Variants in CPPED1 observed in about 807,000 individuals in gnomAD.
The protein encoded by CPPED1 is calcineurin like phosphoesterase domain containing 1, also known as serine/threonine-protein phosphatase CPPED1.
Under a neutral mutation model 28.0 loss-of-function variants are expected in CPPED1, and 28 were observed. The ratio of observed to expected loss-of-function variants is 1.00; its 90% CI spans 0.74 to 1.37. The LOEUF is 1.37. Ranked by LOEUF, CPPED1 falls within the 40% of genes most tolerant of loss-of-function variation. The pLI is 0.00. For missense variants in CPPED1, 504 were observed against 416.5 expected (o/e 1.21, Z -1.83); for synonymous variants, 198 against 180.2 (o/e 1.10, Z -0.79).
At chr16:12,693,982 G>A (rs2079976652) in intron 3 of CPPED1, among the ~76,000 whole-genome samples, 1 of 152,102 alleles carries the variant, frequency 6.6e-6, no homozygotes, top group African/African-American at 2.4e-5. Context: ...GAGGTGGGCG[G>A]GTCACCTGAG....
chr16:12,713,593 T>G (rs2080091418), intron 2 of CPPED1, among the ~76,000 whole-genome samples: 1 of 152,130 alleles, frequency 6.6e-6, no homozygotes, highest in African/African-American at 2.4e-5. Context: ...ACTCCTGATC[T>G]CAGGTGATCT....
At chr16:12,768,968 C>T (rs937895806) in intron 2 of CPPED1, among the ~76,000 whole-genome samples, 3 of 151,304 alleles carry the variant, frequency 2.0e-5, no homozygotes, top group Admixed American at 6.6e-5. Flanking sequence ...TGGGTTCAAG[C>T]GATTCTCCTG....
At chr16:12,728,538 G>C (rs1037048338) in intron 2 of CPPED1, among the ~76,000 whole-genome samples, 1 of 151,828 alleles carries the variant, frequency 6.6e-6, no homozygotes, top group African/African-American at 2.4e-5. Context: ...GAGCTGCCCA[G>C]AAAGTCACTC....
chr16:12,673,964 G>A (rs1244087529), intron 3 of CPPED1, among the ~76,000 whole-genome samples: 1 of 152,092 alleles, frequency 6.6e-6, no homozygotes, highest in Non-Finnish European at 1.5e-5. Context: ...AGGGAGGATT[G>A]CTTGAGCTCA....
rs369362674 is a variant in CPPED1 at position 12,740,547 on chromosome 16, T to G, written c.290-35498A>C. 2.6e-5 allele frequency among the ~76,000 whole-genome samples: 4 copies of G among 152,176 alleles called. No homozygotes were observed. The South Asian group carries it at 6.2e-4, about 24-fold the overall frequency. ...GGTCTGGTCCTTGCACTCATGGAGT[T>G]TACCGTCTACTGGGGATGAGGACAA... is the stretch of plus-strand genomic sequence containing the variant. On this transcript the variant is annotated intron_variant, in intron 2 of 3. Transcript: ENST00000381774.
At chr16:12,701,225 T>A (rs925395593) in intron 3 of CPPED1, among the ~76,000 whole-genome samples, 1 of 151,026 alleles carries the variant, frequency 6.6e-6, no homozygotes, top group Non-Finnish European at 1.5e-5. Context: ...TAAGACTCCA[T>A]CTCAAGAAAA....
intron 2 of CPPED1, among the ~76,000 whole-genome samples, chr16:12,733,689 CAGTA>C (rs1396183890): frequency 6.6e-6 from 1 of 152,254 alleles, no homozygotes; most frequent in East Asian, 1.9e-4. Context: ...CAATACATAA[CAGTA>C]AGTAAGATCT....
At chr16:12,798,078 C>A (rs2080638152) in intron 1 of CPPED1, among the ~76,000 whole-genome samples, 1 of 151,950 alleles carries the variant, frequency 6.6e-6, no homozygotes, top group South Asian at 2.1e-4. Context: ...AGCAAGACCA[C>A]CTCAAAAGAA....
At chr16:12,775,153 A>T (rs567133942) in intron 2 of CPPED1, among the ~76,000 whole-genome samples, 1 of 152,164 alleles carries the variant, frequency 6.6e-6, no homozygotes, top group African/African-American at 2.4e-5. Flanking sequence ...GACCCGAGTT[A>T]GCACACTCAG....
At chr16:12,788,986 G>A (rs920413164) in intron 1 of CPPED1, among the ~76,000 whole-genome samples, 7 of 152,208 alleles carry the variant, frequency 4.6e-5, no homozygotes, top group African/African-American at 1.2e-4. Context: ...CAAACTCGAC[G>A]TCTGTGGATG....
intron 2 of CPPED1, among the ~76,000 whole-genome samples, chr16:12,713,049 A>G (rs577195187): frequency 5.3e-5 from 8 of 152,308 alleles, no homozygotes; most frequent in Admixed American, 3.3e-4. Context: ...TTACTCTCAG[A>G]AAGAGAGAAA....
chr16:12,678,228 T>C (rs1467430612), intron 3 of CPPED1, among the ~76,000 whole-genome samples: 3 of 152,258 alleles, frequency 2.0e-5, no homozygotes, highest in African/African-American at 7.2e-5. Flanking sequence ...GGCAAGTGAA[T>C]TGTGTTAGTG....
At chr16:12,684,917 G>A (rs200601571) in intron 3 of CPPED1, among the ~76,000 whole-genome samples, 1 of 152,148 alleles carries the variant, frequency 6.6e-6, no homozygotes, top group East Asian at 1.9e-4. Flanking sequence ...TATCCTGGAG[G>A]AGAAACCCAA....
At chr16:12,795,686 A>G (rs1377666964) in intron 1 of CPPED1, among the ~76,000 whole-genome samples, 1 of 152,218 alleles carries the variant, frequency 6.6e-6, no homozygotes, top group East Asian at 1.9e-4. Flanking sequence ...AGCTTTGTTT[A>G]GTCCGGAGAC....
intron 3 of CPPED1, among the ~76,000 whole-genome samples, chr16:12,676,184 G>A (rs1460496264): frequency 7.9e-5 from 12 of 152,180 alleles, no homozygotes; most frequent in South Asian, 2.1e-4. Flanking sequence ...ACTGCCAGGG[G>A]ACATGGTGGA....
intron 2 of CPPED1, among the ~76,000 whole-genome samples, chr16:12,758,247 G>A (rs1441022489): frequency 2.0e-5 from 3 of 152,054 alleles, no homozygotes; most frequent in Non-Finnish European, 2.9e-5. Flanking sequence ...AGCAACCGAG[G>A]AATACAGATA....
Position 12,680,641 on chromosome 16 carries a change from G to A in CPPED1, c.716-15526C>T, listed in dbSNP as rs80306852. ...CCCCTCTGATCTGGGTCTTGGGGGA[G>A]AAGCCCAACTACTCCTGCTTGCTGT... On this transcript the variant is annotated intron_variant, in intron 3 of 3. Coordinates refer to ENST00000381774, the MANE Select transcript of CPPED1 (RefSeq NM_018340.3). Among the ~76,000 whole-genome samples, 522 of 152,242 alleles carry A rather than the reference G, an allele frequency of 3.4e-3. 17 individuals carry two copies. In the East Asian group the frequency reaches 0.084, roughly 25 times the overall value.
chr16:12,740,841 C>T (rs551351892), intron 2 of CPPED1, among the ~76,000 whole-genome samples: 6 of 152,114 alleles, frequency 3.9e-5, no homozygotes, highest in African/African-American at 7.2e-5. Context: ...GCCCCTGGTC[C>T]GGGAGGGTGC....
intron 2 of CPPED1, among the ~76,000 whole-genome samples, chr16:12,736,980 A>C (rs1044622323): frequency 2.0e-5 from 3 of 152,098 alleles, no homozygotes; most frequent in African/African-American, 7.2e-5. Flanking sequence ...ACTTGAGGTC[A>C]GGAGTTTCAG....
Sources: allele counts gnomAD v4.1 joint callset (sites outside exome capture counted in the v4.1 genomes callset), GRCh38; gene constraint gnomAD v4.1.1; transcripts MANE v1.5; gene names NCBI Gene and HGNC (gene_info 2026-07-23, HGNC 2026-07-21).